Variants in UEVLD observed in about 807,000 individuals in gnomAD.
UEVLD encodes the protein ubiquitin-conjugating enzyme E2 variant 3.
A neutral mutation model predicts 58.6 loss-of-function variants in UEVLD; 47 were observed. That is an observed-to-expected ratio of 0.80 (90% CI 0.63 to 1.02). UEVLD has a LOEUF of 1.02. UEVLD is among the 50% of genes least tolerant of loss of function. The pLI, the probability that UEVLD is intolerant of heterozygous loss-of-function variation, is 0.00. For missense variants in UEVLD, 510 were observed against 550.6 expected, an observed-to-expected ratio of 0.93 and a Z score of 0.74; for synonymous variants, 197 against 195.3, an observed-to-expected ratio of 1.01 and a Z score of -0.07.
intron 3 of UEVLD, among the ~76,000 whole-genome samples, chr11:18,572,890 C>T (rs1852702044): frequency 6.6e-6 from 1 of 151,982 alleles, no homozygotes; most frequent in African/African-American, 2.4e-5. Context: ...GGCACTATGC[C>T]CAGAGCTTTA....
chr11:18,533,386 A>C (rs938449053), intron 11 of UEVLD, among the ~76,000 whole-genome samples: 10 of 152,072 alleles, frequency 6.6e-5, no homozygotes, highest in Admixed American at 4.6e-4. Context: ...TTAAAAAAAA[A>C]AAAAAAAGCT....
chr11:18,578,496 G>A (rs1853054227), intron 2 of UEVLD, among the ~76,000 whole-genome samples: 1 of 152,182 alleles, frequency 6.6e-6, no homozygotes, highest in Non-Finnish European at 1.5e-5. Flanking sequence ...GTAAACGTGT[G>A]TTTTTTAAAG....
intron 7 of UEVLD, among the ~76,000 whole-genome samples, chr11:18,557,085 C>T (rs542302223): frequency 4.4e-5 from 6 of 134,936 alleles, no homozygotes; most frequent in South Asian, 2.4e-4. Context: ...AGTGAAACCC[C>T]GACTCAAAAA....
At chr11:18,555,388 T>C (rs972232212) in intron 7 of UEVLD, among the ~76,000 whole-genome samples, 1 of 151,080 alleles carries the variant, frequency 6.6e-6, no homozygotes, top group Non-Finnish European at 1.5e-5. Flanking sequence ...ATCGTGCCAC[T>C]GCATTCCAGC....
intron 11 of UEVLD, among the ~76,000 whole-genome samples, chr11:18,533,753 A>G (rs1850672590): frequency 6.6e-6 from 1 of 152,128 alleles, no homozygotes; most frequent in Non-Finnish European, 1.5e-5. Flanking sequence ...GGAGTTGCAG[A>G]GGTGCTCACT....
chr11:18,544,850 AG>A, intron 8 of UEVLD, 54 bp from the exon 9 acceptor site: 1 of 1,322,942 alleles, frequency 7.6e-7, no homozygotes, highest in East Asian at 2.7e-5. Context: ...ATATACTTCT[AG>A]CCTAGCTCAC....
intron 1 of UEVLD, among the ~76,000 whole-genome samples, chr11:18,586,154 AC>A (rs1173466401): frequency 6.6e-6 from 1 of 152,154 alleles, no homozygotes; most frequent in Non-Finnish European, 1.5e-5. Context: ...TGTACTGATC[AC>A]TTCTCCATCG....
intron 7 of UEVLD, among the ~76,000 whole-genome samples, chr11:18,551,246 G>C (rs1279446825): frequency 6.6e-6 from 1 of 151,958 alleles, no homozygotes; most frequent in Admixed American, 6.6e-5. Context: ...GGCTAAGATG[G>C]TGAAACCCTG....
chr11:18,577,579 A>G (rs920618798), intron 2 of UEVLD, among the ~76,000 whole-genome samples: 83 of 152,296 alleles, frequency 5.4e-4, no homozygotes, highest in African/African-American at 2.0e-3. Context: ...TCTTCATAAA[A>G]GAGCCCATGG....
Position 18,560,138 on chromosome 11 carries a change from C to CAGAG in UEVLD, c.613-1812_613-1809dup, listed in dbSNP as rs112126418. On this transcript the variant is annotated intron_variant, in intron 6 of 11. Coordinates refer to ENST00000396197, the MANE Select transcript of UEVLD (RefSeq NM_001040697.4). ...ACACACACACACACACACACACACACAGAGAGAGAAAGAAAATAACCCTGC... is the reference window on the plus strand; with the variant it reads ...ACACACACACACACACACACACACACAGAGAGAGAGAGAAAGAAAATAACCCTGC... Among the ~76,000 whole-genome samples the CAGAG allele has an allele frequency of 4.8e-3, 356 of 74,708 alleles. 12 individuals are homozygous for CAGAG. The highest frequency in any genetic ancestry group is 6.0e-3 in the Non-Finnish European group (236 of 39,372). The allele number at this position is 74,708 out of a possible 152,430, so 49.0% of individuals were successfully genotyped here. A position where few individuals can be genotyped will look rare whatever the true frequency, so the allele number is the denominator to read the frequency against.
chr11:18,558,069 T>C lies in UEVLD; in HGVS notation c.715+159A>G, dbSNP rs112141243. On this transcript the variant is annotated intron_variant, in intron 7 of 11. Transcript: ENST00000396197. Reference sequence around the variant, plus strand: ...ATCAGTTAAAATCCCTGAATGACTCTTTGGGTAAGTCATTTAACTTATTTC... The same window carrying C: ...ATCAGTTAAAATCCCTGAATGACTCCTTGGGTAAGTCATTTAACTTATTTC... Among the ~76,000 whole-genome samples the C allele has an allele frequency of 7.4e-3, 1,122 of 152,360 alleles. 13 individuals carry two copies. Among genetic ancestry groups the C allele is most frequent in the African/African-American group, 0.026 (1,071 of 41,574 alleles).
chr11:18,583,138 G>T (rs766660752), intron 1 of UEVLD, among the ~76,000 whole-genome samples: 4 of 151,430 alleles, frequency 2.6e-5, no homozygotes, highest in Non-Finnish European at 5.9e-5. Flanking sequence ...TGGCCAGGCT[G>T]GTCTCGAACT....
At chr11:18,547,087 C>A in intron 7 of UEVLD, 37 bp from the exon 8 acceptor site, 1 of 1,585,802 alleles carries the variant, frequency 6.3e-7, no homozygotes, top group South Asian at 1.2e-5. Flanking sequence ...GCTGAAGATA[C>A]AGGCTTTAAT....
intron 1 of UEVLD, among the ~76,000 whole-genome samples, chr11:18,587,031 C>T (rs1853605077): frequency 1.3e-5 from 2 of 151,994 alleles, no homozygotes; most frequent in African/African-American, 2.4e-5. Context: ...GACTCCGTCT[C>T]AAAACAAACA....
intron 7 of UEVLD, among the ~76,000 whole-genome samples, chr11:18,553,334 AAAAAG>A (rs1203830319): frequency 4.6e-5 from 7 of 151,920 alleles, no homozygotes; most frequent in South Asian, 2.1e-4. Context: ...TCAAAAAAAA[AAAAAG>A]AAAAGAAAAA....
At chr11:18,571,095 G>A (rs888103854) in intron 3 of UEVLD, among the ~76,000 whole-genome samples, 1 of 152,142 alleles carries the variant, frequency 6.6e-6, no homozygotes, top group Non-Finnish European at 1.5e-5. Context: ...GCTCACACCT[G>A]TAATCCCAGC....
intron 1 of UEVLD, among the ~76,000 whole-genome samples, chr11:18,580,152 T>G (rs897504372): frequency 7.3e-5 from 11 of 150,850 alleles, no homozygotes; most frequent in African/African-American, 2.7e-4. Context: ...AGCTGGTGGA[T>G]TCATACTATA....
At chr11:18,536,607 TCCA>T (rs1850806891) in intron 9 of UEVLD, 138 bp from the exon 10 acceptor site, 3 of 682,796 alleles carry the variant, frequency 4.4e-6, no homozygotes, top group Admixed American at 5.4e-5. Flanking sequence ...GTTAGATTTT[TCCA>T]CTGGATAACA....
intron 4 of UEVLD, among the ~76,000 whole-genome samples, chr11:18,567,745 T>A (rs750844785): frequency 6.6e-6 from 1 of 152,234 alleles, no homozygotes; most frequent in African/African-American, 2.4e-5. Context: ...AGCTCCAAAG[T>A]TCTATAAAAT....
Sources: allele counts gnomAD v4.1 joint callset (sites outside exome capture counted in the v4.1 genomes callset), GRCh38; gene constraint gnomAD v4.1.1; transcripts MANE v1.5; gene names NCBI Gene and HGNC (gene_info 2026-07-23, HGNC 2026-07-21).